Variants in FAM53C observed in about 807,000 individuals in gnomAD.
FAM53C encodes the protein family with sequence similarity 53 member C, also known as protein FAM53C.
A neutral mutation model predicts 34.7 loss-of-function variants in FAM53C; 10 were observed. The observed-to-expected ratio is 0.29, with a 90% confidence interval of 0.18 to 0.49. FAM53C has a LOEUF of 0.49. Ranked by LOEUF, FAM53C falls within the 20% of genes least tolerant of loss-of-function variation. FAM53C has a pLI of 0.99. For synonymous variants in FAM53C, 203 were observed against 203.6 expected (o/e 1.00, Z 0.03); for missense variants, 442 against 515.3 (o/e 0.86, Z 1.38).
At chr5:138,341,041 G>A (rs955046371) in intron 1 of FAM53C, 143 bp from the exon 2 acceptor site, 1 of 466,330 alleles carries the variant, frequency 2.1e-6, no homozygotes, top group African/African-American at 2.0e-5. Flanking sequence ...GCTGTGTTTA[G>A]GCTTAGCTGG....
intron 1 of FAM53C, 69 bp downstream of exon 1, chr5:138,338,376 C>G (rs911054460): frequency 2.1e-5 from 8 of 387,890 alleles, no homozygotes; most frequent in Non-Finnish European, 3.5e-5. Context: ...CCCTCCTTCC[C>G]TCTTTCCCCT....
chr5:138,338,247 T>TG (rs556362132), upstream of FAM53C: 254 of 1,158,534 alleles, frequency 2.2e-4, 1 homozygote, highest in Middle Eastern at 3.4e-3. Context: ...AAGGGCACCG[T>TG]GGGGCGAACC....
At chr5:138,341,516 G>C (rs555441836) in intron 2 of FAM53C, 103 bp downstream of exon 2, 5 of 1,132,398 alleles carry the variant, frequency 4.4e-6, no homozygotes, top group Non-Finnish European at 6.7e-6. Flanking sequence ...ATGAATCATG[G>C]TACTTAACCT....
At position 138,345,328 on chromosome 5, in the gene FAM53C, T is replaced by C; in HGVS notation, c.640T>C (p.Ser214Pro). 6.2e-7 allele frequency: 1 copy of C among 1,614,168 alleles called. No homozygotes were observed. Among genetic ancestry groups the C allele is most frequent in the Non-Finnish European group, 8.5e-7 (1 of 1,180,038 alleles). Residue 214 changes from serine (S) to proline (P), a missense_variant, in exon 4 of 5, where the codon TCC becomes CCC. Ser to Pro is a moderately conservative substitution (Grantham distance 74, BLOSUM62 -1). Transcript: ENST00000239906. This position sits in a 1 kb window ranked among gnomAD's most constrained non-coding sequence, Gnocchi z 6.3. ...CTGCGCCGCCTCCCCTCAAAGTGGC[T>C]CCTGGGAGAGTGATGCTGAGTCCTT... ...RPCAASPQSG[S>P]WESDAESLSP...
chr5:138,338,897 C>G (rs1215994565), intron 1 of FAM53C, among the ~76,000 whole-genome samples: 1 of 152,216 alleles, frequency 6.6e-6, no homozygotes, highest in Non-Finnish European at 1.5e-5. Context: ...GACTCTCCTC[C>G]CTGTTGGCCT....
chr5:138,340,661 T>C (rs755902774), intron 1 of FAM53C, among the ~76,000 whole-genome samples: 2 of 152,240 alleles, frequency 1.3e-5, no homozygotes, highest in East Asian at 3.8e-4. Context: ...ACTGTATCTA[T>C]TGGAAAACAA....
chr5:138,338,202 C>T (rs1458357208), upstream of FAM53C: 1 of 1,279,030 alleles, frequency 7.8e-7, no homozygotes, highest in African/African-American at 1.5e-5. Flanking sequence ...CCCCTACTCT[C>T]CTCAGGGACT....
upstream of FAM53C, chr5:138,337,947 T>G: frequency 7.8e-7 from 1 of 1,288,658 alleles, no homozygotes; most frequent in South Asian, 1.2e-5. Flanking sequence ...GGGCGATGCC[T>G]TTGTTTACCT....
rs1207800623 is a variant in FAM53C at position 138,341,814 on chromosome 5, G to A, written c.84G>A (p.Leu28=). The A allele has an allele frequency of 1.2e-6, 2 of 1,614,152 alleles. No individual in the cohort carries two copies. Among genetic ancestry groups the A allele is most frequent in the Non-Finnish European group, 1.7e-6 (2 of 1,179,978 alleles). The change falls in exon 3 of 5, where the codon TTG becomes TTA. Residue 28 remains leucine (L), a synonymous_variant. Transcript: ENST00000239906. The part of the protein sequence containing the change: ...KCTRFSISLP[L]PDHADISNCG... ...GGATATTCTCTCTTTCTTAGCCTTT[G>A]CCTGATCATGCAGACATCTCCAACT...
intron 1 of FAM53C, among the ~76,000 whole-genome samples, chr5:138,339,228 C>T (rs1760942894): frequency 6.6e-6 from 1 of 152,180 alleles, no homozygotes; most frequent in Non-Finnish European, 1.5e-5. Context: ...CAAGAGAGGG[C>T]TTCTTACACT....
chr5:138,338,374 C>T (rs936610883), intron 1 of FAM53C, 67 bp downstream of exon 1: 96 of 388,126 alleles, frequency 2.5e-4, no homozygotes, highest in African/African-American at 1.9e-3. Context: ...CTCCCTCCTT[C>T]CCTCTTTCCC....
intron 1 of FAM53C, 146 bp downstream of exon 1, chr5:138,338,453 G>T (rs1760889724): frequency 6.1e-6 from 2 of 328,528 alleles, no homozygotes; most frequent in South Asian, 4.5e-5. Flanking sequence ...CACGGGACCC[G>T]GTGGGGGAGG....
At chr5:138,338,229 C>G (rs1205952616), upstream of FAM53C, 10 of 1,255,058 alleles carry the variant, frequency 8.0e-6, no homozygotes, top group Non-Finnish European at 1.0e-5. Flanking sequence ...TTCGCGCCAG[C>G]GCCTTTTAAG....
chr5:138,344,110 C>T (rs918953046), intron 3 of FAM53C, among the ~76,000 whole-genome samples: 1 of 152,166 alleles, frequency 6.6e-6, no homozygotes, highest in East Asian at 1.9e-4. Flanking sequence ...TTTTCCCTTC[C>T]TTCTCTTGGT....
chr5:138,338,883 T>G (rs941883499), intron 1 of FAM53C, among the ~76,000 whole-genome samples: 1 of 152,158 alleles, frequency 6.6e-6, no homozygotes, highest in African/African-American at 2.4e-5. Flanking sequence ...CCCAAAGGGT[T>G]TGTGACTCTC....
At chr5:138,341,948 G>C in intron 3 of FAM53C, 82 bp downstream of exon 3, 1 of 1,396,452 alleles carries the variant, frequency 7.2e-7, no homozygotes, top group Non-Finnish European at 1.0e-6. Flanking sequence ...CCAGTGACCA[G>C]GGCTAGCGAG....
chr5:138,339,730 G>A (rs1760973254), intron 1 of FAM53C, among the ~76,000 whole-genome samples: 1 of 152,174 alleles, frequency 6.6e-6, no homozygotes, highest in African/African-American at 2.4e-5. Flanking sequence ...AGAGCTCCCC[G>A]GAAGCTAGAA....
Position 138,347,976 on chromosome 5 carries a change from G to C in FAM53C, c.*1017G>C, listed in dbSNP as rs866828045. The C allele has an allele frequency of 1.3e-5, 2 of 152,666 alleles. No individual in the cohort carries two copies. Among genetic ancestry groups the C allele is most frequent in the South Asian group, 4.1e-4 (2 of 4,834 alleles). 9.5% of individuals were successfully genotyped at this position (152,666 alleles called of 1,614,324 possible). ...CATCTACTGAGGCAGACCTGCAACA[G>C]AAGTGGCATTCAGTCCCCAGCAGAC... On this transcript the variant is annotated 3_prime_UTR_variant, in exon 5 of 5. Transcript: ENST00000239906.
Position 138,344,941 on chromosome 5 carries a change from A to C in FAM53C, c.253A>C (p.Asn85His), listed in dbSNP as rs765143357. Residue 85 changes from asparagine (N) to histidine (H), a missense_variant, in exon 4 of 5, where the codon AAC becomes CAC. Asn to His is a moderately conservative substitution (Grantham distance 68). Coordinates refer to ENST00000239906, the MANE Select transcript of FAM53C (RefSeq NM_016605.3). ...SLHLRPPSRG[N>H]SPKEQPFSQV... ...GCACCTCAGACCACCCAGTCGGGGA[A>C]ACTCCCCCAAGGAGCAGCCCTTCTC... The C allele has an allele frequency of 5.6e-6, 9 of 1,614,038 alleles. No individual in the cohort carries two copies. Among genetic ancestry groups the C allele is most frequent in the East Asian group, 2.2e-5 (1 of 44,860 alleles).
Sources: gnomAD v4.1 joint callset for allele counts (sites outside exome capture counted in the v4.1 genomes callset) on GRCh38, gnomAD v4.1.1 for gene constraint, Gnocchi (gnomAD v3.1) non-coding constraint, MANE v1.5 for transcripts, NCBI Gene and HGNC (gene_info 2026-07-23, HGNC 2026-07-21) for gene names.